N4BP1: variants seen among roughly 807,000 people sequenced by gnomAD.
N4BP1 encodes the protein NEDD4 binding protein 1, also known as NEDD4-binding protein 1.
In N4BP1, 21 loss-of-function variants were observed where a neutral mutation model predicts 70.9. The observed-to-expected ratio is 0.30, with a 90% CI of 0.21 to 0.43. N4BP1 has a LOEUF of 0.43. N4BP1 is among the 20% of genes least tolerant of loss of function. The pLI, the probability that N4BP1 is intolerant of heterozygous loss-of-function variation, is 1.00. For missense variants in N4BP1, 936 were observed against 1,069.4 expected, an observed-to-expected ratio of 0.88 and a Z score of 1.74; for synonymous variants, 387 against 394.6, an observed-to-expected ratio of 0.98 and a Z score of 0.23.
Position 48,572,508 on chromosome 16 carries a change from A to G in N4BP1, c.199-10064T>C, listed in dbSNP as rs560757187. On this transcript the variant is annotated intron_variant, in intron 1 of 6. Coordinates refer to ENST00000262384, the MANE Select transcript of N4BP1 (RefSeq NM_153029.4). Reference sequence around the variant, plus strand: ...AATCTATAATTCTATACCTATCCACATTACATATCGCATACAATATAGAAT... The same window carrying G: ...AATCTATAATTCTATACCTATCCACGTTACATATCGCATACAATATAGAAT... Among the ~76,000 whole-genome samples, 18 of 152,322 alleles carry G rather than the reference A, an allele frequency of 1.2e-4. No individual in the cohort carries two copies. The South Asian group carries it at 2.7e-3, about 23-fold the overall frequency.
At chr16:48,585,505 A>G (rs1964232867) in intron 1 of N4BP1, among the ~76,000 whole-genome samples, 2 of 151,526 alleles carry the variant, frequency 1.3e-5, no homozygotes, top group South Asian at 2.1e-4. Context: ...ATATAAAATT[A>G]TATGTTCAAC....
intron 1 of N4BP1, 64 bp from the exon 2 acceptor site, chr16:48,562,508 A>G: frequency 7.6e-7 from 1 of 1,309,050 alleles, no homozygotes; most frequent in Non-Finnish European, 1.0e-6. Context: ...ATAATAAATT[A>G]CCATGTAACT....
At chr16:48,590,789 T>C (rs1218080047) in intron 1 of N4BP1, among the ~76,000 whole-genome samples, 1 of 152,184 alleles carries the variant, frequency 6.6e-6, no homozygotes, top group East Asian at 1.9e-4. Flanking sequence ...AATGGTTCCA[T>C]AGCCCCATGG....
intron 1 of N4BP1, among the ~76,000 whole-genome samples, chr16:48,595,456 CAAAAAAA>C (rs373163833): frequency 5.2e-5 from 3 of 57,454 alleles, no homozygotes; most frequent in African/African-American, 1.3e-4. Context: ...GACTCTGTCT[CAAAAAAA>C]AAAAAAAAAA....
At chr16:48,598,996 G>A (rs903523504) in intron 1 of N4BP1, among the ~76,000 whole-genome samples, 1 of 152,102 alleles carries the variant, frequency 6.6e-6, no homozygotes, top group Non-Finnish European at 1.5e-5. Context: ...TGGATGTTAT[G>A]TCTGGTAGGG....
intron 2 of N4BP1, among the ~76,000 whole-genome samples, chr16:48,560,287 T>C (rs190120381): frequency 1.3e-5 from 2 of 152,202 alleles, no homozygotes; most frequent in African/African-American, 4.8e-5. Context: ...TGAAAGGAAA[T>C]TGCCATTGCT....
Position 48,562,002 on chromosome 16 carries a change from T to G in N4BP1, c.641A>C (p.Glu214Ala). The change falls in exon 2 of 7, where the codon GAG becomes GCG. Residue 214 changes from glutamate (E) to alanine (A), a missense_variant. By Grantham distance (107) the Glu-to-Ala change is moderately radical. Coordinates refer to ENST00000262384, the MANE Select transcript of N4BP1 (RefSeq NM_153029.4). ...VIEMRDSQQT[E>A]FTQNAATGLN... ...CCCTGTGGCAGCATTCTGTGTAAAC[T>G]CTGTTTGTTGAGAATCTCTCATTTC... 1 of 1,613,930 alleles carries G rather than the reference T, an allele frequency of 6.2e-7. No individual in the cohort carries two copies. The highest frequency in any genetic ancestry group is 8.5e-7 in the Non-Finnish European group (1 of 1,179,888).
At chr16:48,550,841 C>T (rs141329580) in intron 4 of N4BP1, among the ~76,000 whole-genome samples, 1 of 151,960 alleles carries the variant, frequency 6.6e-6, no homozygotes, top group Non-Finnish European at 1.5e-5. Context: ...TCGCTTGAAC[C>T]CAGGAGGCAG....
At chr16:48,546,039 A>AAT in intron 6 of N4BP1, 108 bp downstream of exon 6, 3 of 694,224 alleles carry the variant, frequency 4.3e-6, no homozygotes, top group South Asian at 2.2e-5. Context: ...AAAAAAAAAA[A>AAT]AATAATTTTT....
chr16:48,545,209 C>T (rs1180997883), intron 6 of N4BP1, among the ~76,000 whole-genome samples: 1 of 151,666 alleles, frequency 6.6e-6, no homozygotes, highest in Admixed American at 6.6e-5. Flanking sequence ...AAGTTATCTA[C>T]CTGCCTCGGC....
rs1963589765 is a variant in N4BP1 at position 48,546,203 on chromosome 16, A to T, written c.2277T>A (p.Pro759=). ...CTAATCGAGGTCCACTTCTTCCCAG[A>T]GGATCATCGGGAACCATAAATATGT... The part of the protein sequence containing the change: ...VGDIFMVPDD[P]LGRSGPRLEE... The change falls in exon 6 of 7, where the codon CCT becomes CCA. Residue 759 remains proline (P), a synonymous_variant. Transcript: ENST00000262384. 1 of 1,613,204 alleles carries T rather than the reference A, an allele frequency of 6.2e-7. No individual in the cohort carries two copies. Among genetic ancestry groups the T allele is most frequent in the Non-Finnish European group, 8.5e-7 (1 of 1,179,630 alleles).
chr16:48,601,443 T>C (rs1354512313), intron 1 of N4BP1, among the ~76,000 whole-genome samples: 1 of 152,166 alleles, frequency 6.6e-6, no homozygotes, highest in East Asian at 1.9e-4. Flanking sequence ...ACAACATCTG[T>C]TCATTATTTG....
In N4BP1 at chr16:48,610,086, G is replaced by GC. The variant is rs1964662076; in HGVS notation, c.-115dup. The GC allele has an allele frequency of 2.1e-6, 1 of 467,648 alleles. No homozygotes were observed. Among genetic ancestry groups the GC allele is most frequent in the African/African-American group, 2.1e-5 (1 of 46,956 alleles). The allele number at this position is 467,648 out of a possible 1,614,324, so 29.0% of individuals were successfully genotyped here. ...GGCGTCGGCCCTTCCCGGCCGCCTCGCCCCCGCCCGCGCCCCGCCGCCCGC... is the reference window on the plus strand; with the variant it reads ...GGCGTCGGCCCTTCCCGGCCGCCTCGCCCCCCGCCCGCGCCCCGCCGCCCGC... On this transcript the variant is annotated 5_prime_UTR_variant, in exon 1 of 7. Transcript: ENST00000262384.
chr16:48,587,707 GGAA>G, intron 1 of N4BP1, among the ~76,000 whole-genome samples: 1 of 152,138 alleles, frequency 6.6e-6, no homozygotes, highest in Non-Finnish European at 1.5e-5. Flanking sequence ...GGCCATATCT[GGAA>G]TTACATAAGA....
chr16:48,584,758 A>G lies in N4BP1; in HGVS notation c.199-22314T>C, dbSNP rs942933468. On this transcript the variant is annotated intron_variant, in intron 1 of 6. Transcript: ENST00000262384. The stretch of plus-strand genomic sequence containing the variant: ...AGATTACCATCTCTTAAAAAATAAC[A>G]ACAAATAGAAAAACTCCAAAACTCA... Among the ~76,000 whole-genome samples, 3 of 152,184 alleles carry G rather than the reference A, an allele frequency of 2.0e-5. No individual in the cohort carries two copies. The East Asian group carries it at 5.8e-4, about 29-fold the overall frequency.
rs371312891 is a variant in N4BP1, at chr16:48,560,440, C to T, written c.1889+314G>A. On this transcript the variant is annotated intron_variant, in intron 2 of 6. Coordinates refer to ENST00000262384, the MANE Select transcript of N4BP1 (RefSeq NM_153029.4). ...TTAGATTAGAACATAATGGTACTCA[C>T]AATATTAAGAATTTAATGACTTAAA... 5 of 221,536 alleles carry T rather than the reference C, an allele frequency of 2.3e-5. No individual in the cohort carries two copies. The East Asian group carries it at 4.4e-4, about 19-fold the overall frequency. 13.7% of individuals were successfully genotyped at this position (221,536 alleles called of 1,614,324 possible). A position where few individuals can be genotyped will look rare whatever the true frequency, so the allele number is the denominator to read the frequency against.
At chr16:48,566,040 T>G (rs1963938826) in intron 1 of N4BP1, among the ~76,000 whole-genome samples, 1 of 152,168 alleles carries the variant, frequency 6.6e-6, no homozygotes, top group African/African-American at 2.4e-5. Context: ...TTGATTTTAT[T>G]GATCTTTTCA....
intron 1 of N4BP1, among the ~76,000 whole-genome samples, chr16:48,583,865 T>C (rs1236293571): frequency 6.6e-6 from 1 of 152,184 alleles, no homozygotes; most frequent in Non-Finnish European, 1.5e-5. Context: ...GCTACTAAAC[T>C]GAGTGTCCCC....
At position 48,609,577 on chromosome 16, in the gene N4BP1, G is replaced by A. The variant is rs575230549; in HGVS notation, c.198+198C>T. 2.6e-5 allele frequency among the ~76,000 whole-genome samples: 4 copies of A among 152,350 alleles called. No individual in the cohort carries two copies. In the East Asian group the frequency reaches 7.7e-4, roughly 29 times the overall value. Reference sequence around the variant, plus strand: ...TTCGTCAGCGCCACTTTACAAATGGGGAAACTGAGGCTCCGGGGATCAAGC... The same window carrying A: ...TTCGTCAGCGCCACTTTACAAATGGAGAAACTGAGGCTCCGGGGATCAAGC... On this transcript the variant is annotated intron_variant, in intron 1 of 6. Transcript: ENST00000262384.
Sources: allele counts gnomAD v4.1 joint callset (sites outside exome capture counted in the v4.1 genomes callset), GRCh38; gene constraint gnomAD v4.1.1; transcripts MANE v1.5; gene names NCBI Gene and HGNC (gene_info 2026-07-23, HGNC 2026-07-21).